The following RPGRIP1L variants were observed in gnomAD, a reference collection of about 807,000 sequenced individuals.
The protein encoded by RPGRIP1L is protein fantom.
RPGRIP1L carries 131 observed loss-of-function variants against 160.4 expected under a neutral mutation model. The ratio of observed to expected loss-of-function variants is 0.82; its 90% CI spans 0.71 to 0.94. RPGRIP1L has a LOEUF of 0.94. RPGRIP1L is among the 40% of genes least tolerant of loss of function. The pLI, the probability that RPGRIP1L is intolerant of heterozygous loss-of-function variation, is 0.00. For missense variants in RPGRIP1L, 1,522 were observed against 1,535.8 expected, an observed-to-expected ratio of 0.99 and a Z score of 0.15; for synonymous variants, 510 against 515.8, an observed-to-expected ratio of 0.99 and a Z score of 0.15.
chr16:53,658,912 A>G, intron 10 of RPGRIP1L, 34 bp from the exon 11 acceptor site: 1 of 1,335,700 alleles, frequency 7.5e-7, no homozygotes, highest in South Asian at 1.2e-5. Flanking sequence ...TGGAAAGGTA[A>G]GTAAAAATCA....
Position 53,642,513 on chromosome 16 carries a change from T to C in RPGRIP1L, c.2684-1038A>G, listed in dbSNP as rs1966290985. Among the ~76,000 whole-genome samples, 5 of 151,742 alleles carry C rather than the reference T, an allele frequency of 3.3e-5. No homozygotes were observed. The South Asian group carries it at 6.2e-4, about 19-fold the overall frequency. On this transcript the variant is annotated intron_variant, in intron 17 of 26. Transcript: ENST00000647211. ...TAGAACATGAGGTGATAAACTTTTA[T>C]AGGCATAGCAAGACTTCCAGAATGG...
intron 16 of RPGRIP1L, among the ~76,000 whole-genome samples, chr16:53,647,570 C>T (rs1966642602): frequency 6.6e-6 from 1 of 152,156 alleles, no homozygotes; most frequent in Non-Finnish European, 1.5e-5. Context: ...ATTGGCTCAA[C>T]TGGGGTCAAG....
intron 22 of RPGRIP1L, chr16:53,628,732 A>G (rs1965328696): frequency 6.6e-6 from 1 of 152,194 alleles, no homozygotes; most frequent in South Asian, 2.1e-4. Context: ...CTTTTCTAAC[A>G]TGTTCTGTTA....
chr16:53,628,722 CTT>C (rs1259908788), intron 22 of RPGRIP1L: 1 of 152,164 alleles, frequency 6.6e-6, no homozygotes, highest in Non-Finnish European at 1.5e-5. Context: ...AGTAATCTAT[CTT>C]TTCTAACATG....
chr16:53,664,427 T>A (rs1427977467), intron 10 of RPGRIP1L, among the ~76,000 whole-genome samples: 1 of 152,192 alleles, frequency 6.6e-6, no homozygotes, highest in African/African-American at 2.4e-5. Flanking sequence ...CCATTACACT[T>A]GCCACCACCT....
At chr16:53,638,638 T>C (rs1226035463) in intron 19 of RPGRIP1L, among the ~76,000 whole-genome samples, 2 of 151,672 alleles carry the variant, frequency 1.3e-5, no homozygotes, top group Non-Finnish European at 2.9e-5. Context: ...ATTGAAGCAC[T>C]GTTTACAATA....
intron 13 of RPGRIP1L, 53 bp from the exon 14 acceptor site, chr16:53,656,642 T>C (rs1430020315): frequency 1.5e-5 from 19 of 1,247,984 alleles, no homozygotes; most frequent in Non-Finnish European, 2.1e-5. Context: ...TCTATTTTCA[T>C]TATTCAAAGC....
chr16:53,665,035 G>T (rs1239192017), intron 9 of RPGRIP1L, 26 bp from the exon 10 acceptor site: 1 of 1,612,762 alleles, frequency 6.2e-7, no homozygotes, highest in Non-Finnish European at 8.5e-7. Context: ...GACATGCAAG[G>T]AAAGCTTGGA....
rs139027484 is a variant in RPGRIP1L at position 53,638,828 on chromosome 16, T to C, written c.2959-417A>G. ...AGTAAAAAAGCTACTTATAGAACTA[T>C]ATATATAGTTGTATTATGTTTGATT... On this transcript the variant is annotated intron_variant, in intron 19 of 26. Coordinates refer to ENST00000647211, the MANE Select transcript of RPGRIP1L (RefSeq NM_015272.5). Among the ~76,000 whole-genome samples, 308 of 151,924 alleles carry C rather than the reference T, an allele frequency of 2.0e-3. 2 individuals are homozygous for C. The highest frequency in any genetic ancestry group is 7.0e-3 in the African/African-American group (292 of 41,532).
chr16:53,641,900 A>T (rs1289812651), intron 17 of RPGRIP1L, among the ~76,000 whole-genome samples: 3 of 152,118 alleles, frequency 2.0e-5, no homozygotes, highest in Admixed American at 2.0e-4. Context: ...TCTAAAGAAA[A>T]ATATATTAAT....
intron 6 of RPGRIP1L, among the ~76,000 whole-genome samples, chr16:53,679,303 A>G (rs1969434038): frequency 1.3e-5 from 2 of 152,116 alleles, no homozygotes; most frequent in Non-Finnish European, 2.9e-5. Context: ...AACAGGAAGA[A>G]CTCAAATCCT....
intron 9 of RPGRIP1L, among the ~76,000 whole-genome samples, chr16:53,668,911 A>C (rs1183887159): frequency 6.6e-6 from 1 of 152,202 alleles, no homozygotes; most frequent in Non-Finnish European, 1.5e-5. Flanking sequence ...TTATCTTCCC[A>C]CATGATTCTC....
chr16:53,692,454 C>A, intron 3 of RPGRIP1L, 90 bp from the exon 4 acceptor site: 1 of 1,165,744 alleles, frequency 8.6e-7, no homozygotes, highest in Admixed American at 1.7e-5. Context: ...GTGAAGACTT[C>A]AGTGCAGAAC....
At chr16:53,653,825 C>T (rs1302417848) in intron 14 of RPGRIP1L, among the ~76,000 whole-genome samples, 10 of 152,264 alleles carry the variant, frequency 6.6e-5, no homozygotes, top group South Asian at 4.1e-4. Context: ...TATTAATATG[C>T]TAAAGGCTTC....
intron 23 of RPGRIP1L, among the ~76,000 whole-genome samples, chr16:53,619,994 G>T (rs1024225339): frequency 1.3e-5 from 2 of 152,032 alleles, no homozygotes; most frequent in East Asian, 3.9e-4. Context: ...ATCACACCAA[G>T]GTAACTCCTC....
chr16:53,618,536 A>T (rs1355341028), intron 24 of RPGRIP1L, among the ~76,000 whole-genome samples: 1 of 152,062 alleles, frequency 6.6e-6, no homozygotes, highest in African/African-American at 2.4e-5. Context: ...TAACTGTGGT[A>T]TTACTTCAAC....
chr16:53,638,836 G>T (rs1966013678), intron 19 of RPGRIP1L, among the ~76,000 whole-genome samples: 1 of 151,770 alleles, frequency 6.6e-6, no homozygotes, highest in Non-Finnish European at 1.5e-5. Context: ...TATATATATA[G>T]TTGTATTATG....
intron 22 of RPGRIP1L, among the ~76,000 whole-genome samples, chr16:53,633,237 C>T (rs1401681618): frequency 2.0e-5 from 3 of 152,144 alleles, no homozygotes; most frequent in Non-Finnish European, 2.9e-5. Flanking sequence ...TATGAAACAA[C>T]ACTTCAACCA....
Position 53,648,899 on chromosome 16 carries a change from G to T in RPGRIP1L, c.2304+65C>A. The T allele has an allele frequency of 2.8e-6, 4 of 1,424,468 alleles. No individual in the cohort carries two copies. In the South Asian group the frequency reaches 4.7e-5, roughly 17 times the overall value. 88.2% of individuals were successfully genotyped at this position (1,424,468 alleles called of 1,614,324 possible). A position where few individuals can be genotyped will look rare whatever the true frequency, so the allele number is the denominator to read the frequency against. On this transcript the variant is annotated intron_variant, in intron 16 of 26. Transcript: ENST00000647211. ...TGAAAATGATTTTAGTTTAAAGCAC[G>T]ACACATAAATAAATATTATAAAATT...
Sources: gnomAD v4.1 joint callset for allele counts (sites outside exome capture counted in the v4.1 genomes callset) on GRCh38, gnomAD v4.1.1 for gene constraint, MANE v1.5 for transcripts, NCBI Gene and HGNC (gene_info 2026-07-23, HGNC 2026-07-21) for gene names.